RCOR2: variants seen among roughly 807,000 people sequenced by gnomAD.
RCOR2 encodes the protein REST corepressor 2.
A neutral mutation model predicts 58.9 loss-of-function variants in RCOR2; 19 were observed. The ratio of observed to expected loss-of-function variants is 0.32; its 90% CI spans 0.23 to 0.47. The LOEUF (loss-of-function observed/expected upper bound fraction) is 0.47, where lower values mean the gene tolerates loss of function less well. Ranked by LOEUF, RCOR2 falls within the 20% of genes least tolerant of loss-of-function variation. The probability of loss-of-function intolerance (pLI) is 1.00; values close to 1 mark genes in which losing one functional copy is unlikely to be tolerated. For missense variants in RCOR2, 590 were observed against 707.9 expected (o/e 0.83, Z 1.89); for synonymous variants, 286 against 278.7 (o/e 1.03, Z -0.26).
chr11:63,923,707 T>C, the RCOR2 span, among the ~76,000 whole-genome samples: 1 of 152,090 alleles, frequency 6.6e-6, no homozygotes, highest in Non-Finnish European at 1.5e-5. Context: ...GGCTGAGATA[T>C]ATCAAACCGT....
At chr11:63,918,418 C>A (rs886731929), upstream of RCOR2, among the ~76,000 whole-genome samples, 19 of 152,286 alleles carry the variant, frequency 1.2e-4, no homozygotes, top group African/African-American at 4.3e-4. Context: ...CGACCCCACC[C>A]GGCTGCTGCG....
chr11:63,916,502 G>T lies in RCOR2; in HGVS notation c.-46C>A, dbSNP rs1431569156. On this transcript the variant is annotated 5_prime_UTR_variant, in exon 1 of 12. Coordinates refer to ENST00000301459, the MANE Select transcript of RCOR2 (RefSeq NM_173587.4). ...GGGGGCGCAGGAGCCTTCGGAGAGC[G>T]ACAGTGGTTGCCGCACTCGCTCCGA... 1 of 1,573,976 alleles carries T rather than the reference G, an allele frequency of 6.4e-7. No homozygotes were observed. Among genetic ancestry groups the T allele is most frequent in the South Asian group, 1.1e-5 (1 of 87,048 alleles).
the RCOR2 span, among the ~76,000 whole-genome samples, chr11:63,922,338 C>T: frequency 3.9e-5 from 6 of 152,156 alleles, no homozygotes; most frequent in South Asian, 2.1e-4. Flanking sequence ...TCTAATTATA[C>T]ACTATACACA....
Position 63,914,642 on chromosome 11 carries a change from G to A in RCOR2, c.480+13C>T. 1.2e-6 allele frequency: 2 copies of A among 1,604,280 alleles called. No individual in the cohort carries two copies. Among genetic ancestry groups the A allele is most frequent in the South Asian group, 1.1e-5 (1 of 89,830 alleles). ...CAGAGGAGCGCCGGGGAGTGGGGGTGGAAGGGCTTTACCATCTGCTGGATC... is the reference window on the plus strand; with the variant it reads ...CAGAGGAGCGCCGGGGAGTGGGGGTAGAAGGGCTTTACCATCTGCTGGATC... On this transcript the variant is annotated intron_variant, in intron 5 of 11. Coordinates refer to ENST00000301459, the MANE Select transcript of RCOR2 (RefSeq NM_173587.4).
chr11:63,913,533 AGT>A (rs1941811234), intron 8 of RCOR2, among the ~76,000 whole-genome samples: 1 of 138,632 alleles, frequency 7.2e-6, no homozygotes, highest in African/African-American at 2.6e-5. Flanking sequence ...CCCAGGCTGG[AGT>A]GCAGTGGTGC....
intron 8 of RCOR2, among the ~76,000 whole-genome samples, chr11:63,913,500 T>TTTTTTTTTTTTTTTGG (rs1590734528): frequency 6.8e-6 from 1 of 147,322 alleles, no homozygotes. Flanking sequence ...TATTTTTTTT[T>TTTTTTTTTTTTTTTGG]GAGACGGAAT....
At chr11:63,925,044 G>T in the RCOR2 span, among the ~76,000 whole-genome samples, 1 of 151,744 alleles carries the variant, frequency 6.6e-6, no homozygotes, top group African/African-American at 2.4e-5. Flanking sequence ...GTACAGCCGG[G>T]GTTTCACCGT....
chr11:63,914,000 A>C lies in RCOR2; in HGVS notation c.845T>G (p.Leu282Arg), dbSNP rs141140296. ...AVSGSPDLAN[L>R]TLRGLDSQLI... ...CTGAGAGTCAAGACCTCGGAGCGTGAGGTTGGCAAGGTCCGGGCTTCCTGA... is the reference window on the plus strand; with the variant it reads ...CTGAGAGTCAAGACCTCGGAGCGTGCGGTTGGCAAGGTCCGGGCTTCCTGA... The change falls in exon 8 of 12, where the codon CTC (leucine) becomes CGC (arginine). Residue 282 changes from leucine (L) to arginine (R), a missense_variant. Leu to Arg is a moderately radical substitution (Grantham distance 102). Transcript: ENST00000301459. 1.2e-6 allele frequency: 2 copies of C among 1,613,536 alleles called. No individual in the cohort carries two copies. The highest frequency in any genetic ancestry group is 1.7e-6 in the Non-Finnish European group (2 of 1,179,966).
chr11:63,914,382 C>G (rs768903583), intron 6 of RCOR2, 35 bp downstream of exon 6: 3 of 1,613,330 alleles, frequency 1.9e-6, no homozygotes, highest in South Asian at 1.1e-5. Context: ...GGAGCTCTAC[C>G]TACCCCCATG....
In RCOR2 at chr11:63,916,638, C is replaced by A; in HGVS notation, c.-182G>T. On this transcript the variant is annotated 5_prime_UTR_variant, in exon 1 of 12. Transcript: ENST00000301459. ...GAGCCCACCTGGTAGCCCCAGCGCTCTCCACGACCCCCACGAGCCAGGGCG... is the reference window on the plus strand; with the variant it reads ...GAGCCCACCTGGTAGCCCCAGCGCTATCCACGACCCCCACGAGCCAGGGCG... 9.7e-7 allele frequency: 1 copy of A among 1,034,348 alleles called. No individual in the cohort carries two copies. Among genetic ancestry groups the A allele is most frequent in the Non-Finnish European group, 1.3e-6 (1 of 740,906 alleles). 64.1% of individuals were successfully genotyped at this position (1,034,348 alleles called of 1,614,324 possible).
intron 2 of RCOR2, 100 bp from the exon 3 acceptor site, chr11:63,915,358 G>A: frequency 4.9e-6 from 6 of 1,223,238 alleles, no homozygotes; most frequent in Non-Finnish European, 7.1e-6. Flanking sequence ...AGCCAGGGAG[G>A]TTGAGGCCCA....
rs150712250 is a variant in RCOR2, at chr11:63,914,021, C to T, written c.824G>A (p.Gly275Glu). Residue 275 changes from glycine to glutamate, a missense_variant, in exon 8 of 12, where the codon GGA (glycine) becomes GAA (glutamate). By Grantham distance (98) the Gly-to-Glu change is moderately conservative. Transcript: ENST00000301459. ...LSPEGLTAVS[G>E]SPDLANLTLR... is the part of the protein sequence containing the mutation. Reference sequence around the variant, plus strand: ...CGTGAGGTTGGCAAGGTCCGGGCTTCCTGACACTGCCGTGAGGCCTTCAGG... The same window carrying T: ...CGTGAGGTTGGCAAGGTCCGGGCTTTCTGACACTGCCGTGAGGCCTTCAGG... 14 of 1,613,642 alleles carry T rather than the reference C, an allele frequency of 8.7e-6. No individual in the cohort carries two copies. The highest frequency in any genetic ancestry group is 1.2e-5 in the Non-Finnish European group (14 of 1,179,962).
At chr11:63,925,933 C>G in the RCOR2 span, among the ~76,000 whole-genome samples, 1 of 151,922 alleles carries the variant, frequency 6.6e-6, no homozygotes, top group African/African-American at 2.4e-5. Context: ...TTTTGAGATG[C>G]ACTTTTGCTC....
At chr11:63,920,419 G>A (rs953481560), upstream of RCOR2, among the ~76,000 whole-genome samples, 2 of 152,154 alleles carry the variant, frequency 1.3e-5, no homozygotes, top group African/African-American at 2.4e-5. Flanking sequence ...TCCCAAGCCC[G>A]CCAGCCCTGC....
chr11:63,920,868 C>A (rs1413613340), upstream of RCOR2, among the ~76,000 whole-genome samples: 1 of 152,122 alleles, frequency 6.6e-6, no homozygotes, highest in African/African-American at 2.4e-5. Flanking sequence ...ACCCCCTGGC[C>A]TAGCCGGCAC....
At chr11:63,921,963 C>A (rs948098283), upstream of RCOR2, among the ~76,000 whole-genome samples, 1 of 152,170 alleles carries the variant, frequency 6.6e-6, no homozygotes, top group Non-Finnish European at 1.5e-5. Flanking sequence ...AGAGGTGGGA[C>A]CTTTGGGCAT....
At chr11:63,927,611 G>A in the RCOR2 span, among the ~76,000 whole-genome samples, 1 of 152,072 alleles carries the variant, frequency 6.6e-6, no homozygotes, top group Non-Finnish European at 1.5e-5. Context: ...TGAGCCCAGA[G>A]GGTGGGGCAC....
chr11:63,914,355 GA>G (rs757468432), intron 6 of RCOR2, 25 bp from the exon 7 acceptor site: 1 of 1,613,354 alleles, frequency 6.2e-7, no homozygotes, highest in Non-Finnish European at 8.5e-7. Context: ...GCCAGGGAGG[GA>G]ATGAGGCAGC....
Position 63,912,326 on chromosome 11 carries a change from T to G in RCOR2, c.1236A>C (p.Pro412=). 5 of 1,613,038 alleles carry G rather than the reference T, an allele frequency of 3.1e-6. No homozygotes were observed. Among genetic ancestry groups the G allele is most frequent in the Non-Finnish European group, 4.2e-6 (5 of 1,179,484 alleles). Residue 412 remains proline, a synonymous_variant, in exon 11 of 12, where the codon CCA becomes CCC. Coordinates refer to ENST00000301459, the MANE Select transcript of RCOR2 (RefSeq NM_173587.4). ...EARRGAPLPA[P]ALEEDDEVQI... is the part of the protein sequence containing the mutation. Reference sequence around the variant, plus strand: ...TCACCTCATCATCTTCCTCTAGGGCTGGGGCTGGCAATGGAGCCCCTCTCC... The same window carrying G: ...TCACCTCATCATCTTCCTCTAGGGCGGGGGCTGGCAATGGAGCCCCTCTCC...
Sources: gnomAD v4.1 joint callset for allele counts (sites outside exome capture counted in the v4.1 genomes callset) on GRCh38, gnomAD v4.1.1 for gene constraint, MANE v1.5 for transcripts, NCBI Gene and HGNC (gene_info 2026-07-23, HGNC 2026-07-21) for gene names.